Variants in DCDC2 observed in about 807,000 individuals in gnomAD.
DCDC2 encodes doublecortin domain-containing protein 2.
DCDC2 carries 40 observed loss-of-function variants against 50.2 expected under a neutral mutation model. The observed-to-expected ratio is 0.80, with a 90% CI of 0.62 to 1.04. The LOEUF (loss-of-function observed/expected upper bound fraction) is 1.04, where lower values mean the gene tolerates loss of function less well. Ranked by LOEUF, DCDC2 falls within the 50% of genes least tolerant of loss-of-function variation. The probability of loss-of-function intolerance (pLI) is 0.00; values close to 1 mark genes in which losing one functional copy is unlikely to be tolerated. For missense variants in DCDC2, 570 were observed against 581.9 expected, an observed-to-expected ratio of 0.98 and a Z score of 0.21; for synonymous variants, 234 against 210.6, an observed-to-expected ratio of 1.11 and a Z score of -0.96.
At chr6:24,331,303 T>C (rs1000724451) in intron 2 of DCDC2, among the ~76,000 whole-genome samples, 1 of 151,806 alleles carries the variant, frequency 6.6e-6, no homozygotes, top group Non-Finnish European at 1.5e-5. Flanking sequence ...ATATACCTTT[T>C]TTTTTTTTTA....
chr6:24,272,609 A>G (rs1393934219), intron 7 of DCDC2, among the ~76,000 whole-genome samples: 1 of 152,230 alleles, frequency 6.6e-6, no homozygotes, highest in Non-Finnish European at 1.5e-5. Flanking sequence ...AAGCATTTGA[A>G]AAAATGCTCA....
At chr6:24,251,142 T>C (rs1762784341) in intron 7 of DCDC2, among the ~76,000 whole-genome samples, 1 of 152,214 alleles carries the variant, frequency 6.6e-6, no homozygotes, top group African/African-American at 2.4e-5. Flanking sequence ...TAAAGTGTTA[T>C]TAATCTCCAA....
At chr6:24,358,930 A>ATATATTT (rs1561788576), upstream of DCDC2, among the ~76,000 whole-genome samples, 54 of 29,492 alleles carry the variant, frequency 1.8e-3, no homozygotes, top group Non-Finnish European at 2.6e-3. Context: ...ATTATATATT[A>ATATATTT]TATATTTTAT....
At chr6:24,182,522 T>C (rs1044631428) in intron 8 of DCDC2, among the ~76,000 whole-genome samples, 2 of 147,610 alleles carry the variant, frequency 1.4e-5, no homozygotes, top group African/African-American at 5.0e-5. Flanking sequence ...AAAGAAGATA[T>C]ACAAATGGCC....
In DCDC2 at chr6:24,180,379, G is replaced by A. The variant is rs112069717; in HGVS notation, c.1024-1747C>T. ...TGCTCACTGCAAGCCCCGCTTCCCC[G>A]GTTCATGCCATTCTCCTGCCTCAGC... On this transcript the variant is annotated intron_variant, in intron 8 of 9. Transcript: ENST00000378454. 8.9e-3 allele frequency among the ~76,000 whole-genome samples: 1,357 copies of A among 152,010 alleles called. 25 individuals are homozygous for A. Among genetic ancestry groups the A allele is most frequent in the African/African-American group, 0.031 (1,283 of 41,448 alleles).
intron 2 of DCDC2, among the ~76,000 whole-genome samples, chr6:24,341,674 TA>T (rs1477052021): frequency 6.6e-6 from 1 of 152,212 alleles, no homozygotes; most frequent in East Asian, 1.9e-4. Context: ...GAATTACATG[TA>T]TACTTTCCCA....
rs749490004 is a variant in DCDC2 at position 24,266,082 on chromosome 6, A to G, written c.922+11967T>C. Among the ~76,000 whole-genome samples, 35 of 152,176 alleles carry G rather than the reference A, an allele frequency of 2.3e-4. 1 individual carries two copies. Among genetic ancestry groups the G allele is most frequent in the Non-Finnish European group, 5.9e-5 (4 of 68,012 alleles). Reference sequence around the variant, plus strand: ...CATTTTTGACAAAGGTGACAAGAACATACACTGGGGAAAGGACAGTCTCTT... The same window carrying G: ...CATTTTTGACAAAGGTGACAAGAACGTACACTGGGGAAAGGACAGTCTCTT... On this transcript the variant is annotated intron_variant, in intron 7 of 9. Transcript: ENST00000378454.
chr6:24,242,974 AAAAGG>A (rs1762596170), intron 7 of DCDC2, among the ~76,000 whole-genome samples: 1 of 151,882 alleles, frequency 6.6e-6, no homozygotes, highest in African/African-American at 2.4e-5. Context: ...AAAAAAAAAG[AAAAGG>A]AAAGAAGACA....
intron 4 of DCDC2, among the ~76,000 whole-genome samples, chr6:24,292,036 A>G (rs144809896): frequency 1.6e-3 from 238 of 152,226 alleles, no homozygotes; most frequent in African/African-American, 5.4e-3. Context: ...AAGAGTGAAC[A>G]TTATATCTTC....
intron 2 of DCDC2, among the ~76,000 whole-genome samples, chr6:24,320,106 C>T (rs76357407): frequency 0.026 from 3,934 of 152,234 alleles, 53 homozygotes; most frequent in Middle Eastern, 0.058. Flanking sequence ...CAATCAAATG[C>T]TTCTCATAAG....
At chr6:24,284,443 T>TAA (rs752153479) in intron 6 of DCDC2, among the ~76,000 whole-genome samples, 2 of 143,672 alleles carry the variant, frequency 1.4e-5, no homozygotes, top group African/African-American at 2.5e-5. Flanking sequence ...CCGTCTCTAC[T>TAA]AAAAAAAAAA....
intron 2 of DCDC2, among the ~76,000 whole-genome samples, chr6:24,312,997 A>G (rs1215294394): frequency 6.6e-6 from 1 of 152,196 alleles, no homozygotes; most frequent in African/African-American, 2.4e-5. Flanking sequence ...AAGTCTTCTC[A>G]GGAAATTTTG....
chr6:24,193,877 A>T (rs1761364924), intron 8 of DCDC2, among the ~76,000 whole-genome samples: 1 of 152,170 alleles, frequency 6.6e-6, no homozygotes, highest in African/African-American at 2.4e-5. Flanking sequence ...AGATAAATCC[A>T]GAATGTTAAT....
chr6:24,208,039 C>CT (rs1159186269), intron 7 of DCDC2, among the ~76,000 whole-genome samples: 1 of 152,180 alleles, frequency 6.6e-6, no homozygotes, highest in South Asian at 2.1e-4. Context: ...CTTAAATACC[C>CT]TGACTCTTCA....
At chr6:24,215,369 T>C (rs929730104) in intron 7 of DCDC2, among the ~76,000 whole-genome samples, 3 of 152,048 alleles carry the variant, frequency 2.0e-5, no homozygotes, top group African/African-American at 7.2e-5. Flanking sequence ...AACTTGATCA[T>C]GAAGATAATG....
chr6:24,323,976 T>A (rs1254359790), intron 2 of DCDC2, among the ~76,000 whole-genome samples: 2 of 152,046 alleles, frequency 1.3e-5, no homozygotes, highest in Non-Finnish European at 2.9e-5. Flanking sequence ...CACTCATGGG[T>A]TTTGTCACTA....
intron 8 of DCDC2, among the ~76,000 whole-genome samples, chr6:24,202,991 C>T (rs1396479979): frequency 2.0e-5 from 3 of 152,074 alleles, no homozygotes; most frequent in Non-Finnish European, 4.4e-5. Flanking sequence ...AGAGAGGACA[C>T]AAACAAATGG....
upstream of DCDC2, among the ~76,000 whole-genome samples, chr6:24,358,663 C>A (rs1760529846): frequency 7.3e-6 from 1 of 136,800 alleles, no homozygotes; most frequent in Non-Finnish European, 1.5e-5. Context: ...GCCTGGGCGA[C>A]ACAGCAAGAC....
chr6:24,177,562 T>C (rs550734435), intron 9 of DCDC2, among the ~76,000 whole-genome samples: 1 of 152,216 alleles, frequency 6.6e-6, no homozygotes, highest in African/African-American at 2.4e-5. Flanking sequence ...AAGCAGATGG[T>C]GAGAATGTTA....
Sources: allele counts gnomAD v4.1 joint callset (sites outside exome capture counted in the v4.1 genomes callset), GRCh38; gene constraint gnomAD v4.1.1; transcripts MANE v1.5; gene names NCBI Gene and HGNC (gene_info 2026-07-23, HGNC 2026-07-21).